The following FMNL3 variants were observed in gnomAD, a reference collection of about 807,000 sequenced individuals.
The protein encoded by FMNL3 is formin-like protein 3.
Under a neutral mutation model 119.6 loss-of-function variants are expected in FMNL3, and 57 were observed. The ratio of observed to expected loss-of-function variants is 0.48; its 90% CI spans 0.39 to 0.59. The LOEUF (loss-of-function observed/expected upper bound fraction) is 0.59, where lower values mean the gene tolerates loss of function less well. FMNL3 is among the 20% of genes least tolerant of loss of function. The pLI is 0.00. For missense variants in FMNL3, 1,053 were observed against 1,323.5 expected, an observed-to-expected ratio of 0.80 and a Z score of 3.17; for synonymous variants, 491 against 507.3, an observed-to-expected ratio of 0.97 and a Z score of 0.43.
rs1254706642 is a variant in FMNL3, at chr12:49,643,958, C to T, written c.*1857G>A. The stretch of plus-strand genomic sequence containing the variant: ...GACAAGGACAGGGAGCTCCAACAGG[C>T]AGAGCTCCCTAACCGTTCCCCAGGC... On this transcript the variant is annotated 3_prime_UTR_variant, in exon 26 of 26. Transcript: ENST00000335154. 3 of 1,614,068 alleles carry T rather than the reference C, an allele frequency of 1.9e-6. No homozygotes were observed. Among genetic ancestry groups the T allele is most frequent in the East Asian group, 4.5e-5 (2 of 44,898 alleles).
chr12:49,660,046 T>C, intron 5 of FMNL3: 1 of 778,428 alleles, frequency 1.3e-6, no homozygotes, highest in Non-Finnish European at 1.6e-6. Context: ...AGGAGGTGTT[T>C]AATGGGGCTC....
At chr12:49,687,397 CTCT>C (rs1234020742) in intron 1 of FMNL3, among the ~76,000 whole-genome samples, 4 of 151,694 alleles carry the variant, frequency 2.6e-5, no homozygotes, top group Non-Finnish European at 5.9e-5. Flanking sequence ...TGGCCCCTCT[CTCT>C]TATTTTTTAA....
At chr12:49,652,515 A>G (rs1943436861) in intron 13 of FMNL3, among the ~76,000 whole-genome samples, 1 of 152,096 alleles carries the variant, frequency 6.6e-6, no homozygotes, top group African/African-American at 2.4e-5. Context: ...ACTCTCCTTA[A>G]TCTACCACCG....
rs368303830 is a variant in FMNL3, at chr12:49,654,225, C to T, written c.1038G>A (p.Glu346=). 14 of 1,614,084 alleles carry T rather than the reference C, an allele frequency of 8.7e-6. No individual in the cohort carries two copies. The African/African-American group carries it at 1.6e-4, about 18-fold the overall frequency. ...ACTCCTCTAGCCCCAGCTTGGTAAA[C>T]TCATACTGCAGGTGGACCCGGAAGT... The part of the protein sequence containing the change: ...DMNFRVHLQY[E]FTKLGLEEFL... The change falls in exon 11 of 26, where the codon GAG becomes GAA. Residue 346 remains glutamate, a synonymous_variant. Transcript: ENST00000335154.
At chr12:49,666,726 G>A (rs190029451) in intron 2 of FMNL3, among the ~76,000 whole-genome samples, 2 of 152,028 alleles carry the variant, frequency 1.3e-5, no homozygotes, top group African/African-American at 4.8e-5. Context: ...GAGCCCCGGA[G>A]TTTGAGGCTA....
At chr12:49,654,101 A>G (rs1943493979) in intron 11 of FMNL3, 91 bp downstream of exon 11, 1 of 1,292,076 alleles carries the variant, frequency 7.7e-7, no homozygotes, top group Admixed American at 2.1e-5. Context: ...AGGAGCATCA[A>G]GGATTAGGCA....
intron 1 of FMNL3, among the ~76,000 whole-genome samples, chr12:49,691,265 C>T (rs773994950): frequency 2.6e-5 from 4 of 152,036 alleles, no homozygotes; most frequent in Non-Finnish European, 4.4e-5. Context: ...ACCATTATCA[C>T]ACAATAAATG....
intron 25 of FMNL3, among the ~76,000 whole-genome samples, chr12:49,646,155 A>T (rs1235157285): frequency 1.3e-5 from 2 of 152,158 alleles, no homozygotes; most frequent in African/African-American, 4.8e-5. Flanking sequence ...AGGTAGATGC[A>T]TTCAGAAAGA....
intron 21 of FMNL3, 139 bp downstream of exon 21, chr12:49,648,890 C>T (rs1291052391): frequency 2.3e-6 from 3 of 1,328,620 alleles, no homozygotes; most frequent in East Asian, 2.6e-5. Context: ...AAGGCTCCAG[C>T]GGAAAGCTTT....
In FMNL3 at chr12:49,649,048, A is replaced by G. The variant is rs752304568; in HGVS notation, c.2496T>C (p.Phe832=). The G allele has an allele frequency of 3.4e-5, 54 of 1,603,464 alleles. No individual in the cohort carries two copies. Among genetic ancestry groups the G allele is most frequent in the Admixed American group, 1.7e-5 (1 of 59,098 alleles). ...CCTCACCTGCTGCAGCCTTCTCAAC[A>G]AAGTGCAGCTCATGCCAGAAGTTAG... ...DLANFWHELH[F]VEKAAAVSLE... Residue 832 remains phenylalanine, a synonymous_variant, in exon 21 of 26, where the codon TTT becomes TTC. Transcript: ENST00000335154. This position sits in a 1 kb window ranked among gnomAD's most constrained non-coding sequence, Gnocchi z 5.6.
intron 1 of FMNL3, among the ~76,000 whole-genome samples, chr12:49,701,567 A>G (rs573846455): frequency 6.6e-6 from 1 of 152,326 alleles, no homozygotes; most frequent in African/African-American, 2.4e-5. Context: ...AATATCTAAG[A>G]AAAGGTGTAT....
intron 7 of FMNL3, 72 bp from the exon 8 acceptor site, chr12:49,656,971 G>T: frequency 1.3e-6 from 2 of 1,527,140 alleles, no homozygotes; most frequent in Non-Finnish European, 1.8e-6. Flanking sequence ...CTCCTTGACC[G>T]TAGGCCCACC....
At position 49,657,154 on chromosome 12, in the gene FMNL3, G is replaced by A. The variant is rs199992397; in HGVS notation, c.642C>T (p.Asn214=). The A allele has an allele frequency of 1.5e-4, 246 of 1,614,148 alleles. 1 individual carries two copies. The African/African-American group carries it at 2.7e-3, about 17-fold the overall frequency. Residue 214 remains asparagine (N), a synonymous_variant, in exon 7 of 26, where the codon AAC becomes AAT. Coordinates refer to ENST00000335154, the MANE Select transcript of FMNL3 (RefSeq NM_175736.5). ...STLPGRRALK[N]SRLVSQKDDV... is the part of the protein sequence containing the mutation. ...CATCCTTCTGGCTCACTAGGCGGGA[G>A]TTCTTCAGGGCCCTGCGCCCAGGGA...
Position 49,637,656 on chromosome 12 carries a change from C to G in FMNL3, c.*8159G>C. ...CCAGCCTCTCTGCACCCCCTACTACCGGCTCCTGTCCTCGGCCCAGCCCCC... is the reference window on the plus strand; with the variant it reads ...CCAGCCTCTCTGCACCCCCTACTACGGGCTCCTGTCCTCGGCCCAGCCCCC... On this transcript the variant is annotated 3_prime_UTR_variant, in exon 26 of 26. Coordinates refer to ENST00000335154, the MANE Select transcript of FMNL3 (RefSeq NM_175736.5). The G allele has an allele frequency of 6.4e-7, 1 of 1,556,910 alleles. No individual in the cohort carries two copies. Among genetic ancestry groups the G allele is most frequent in the Non-Finnish European group, 8.8e-7 (1 of 1,133,212 alleles).
intron 1 of FMNL3, among the ~76,000 whole-genome samples, chr12:49,692,034 CAAAAAAAAAAAAAAAAA>C (rs773991970): frequency 1.7e-4 from 4 of 23,122 alleles, no homozygotes; most frequent in Non-Finnish European, 3.1e-4. Flanking sequence ...GACTCCATCT[CAAAAAAAAAAAAAAAAA>C]AAAAAAAAAA....
rs1400257113 is a variant in FMNL3, at chr12:49,649,188, G to C, written c.2386-30C>G. On this transcript the variant is annotated intron_variant, in intron 20 of 25. Transcript: ENST00000335154. This position sits in a 1 kb window ranked among gnomAD's most constrained non-coding sequence, Gnocchi z 5.6. The stretch of plus-strand genomic sequence containing the variant: ...GAGAGGGGGTGAGGGCGGTGCACAA[G>C]AGCTAAGCACTCTGGCTCCACAACT... The C allele has an allele frequency of 1.9e-6, 3 of 1,612,388 alleles. No homozygotes were observed. Among genetic ancestry groups the C allele is most frequent in the South Asian group, 2.2e-5 (2 of 90,718 alleles).
intron 1 of FMNL3, among the ~76,000 whole-genome samples, chr12:49,702,562 C>CA (rs921076249): frequency 3.9e-5 from 6 of 152,002 alleles, no homozygotes; most frequent in East Asian, 1.9e-4. Context: ...CAAAACAAAA[C>CA]AAAAAAACGC....
At chr12:49,656,991 G>C in intron 7 of FMNL3, 91 bp downstream of exon 7, 1 of 1,541,584 alleles carries the variant, frequency 6.5e-7, no homozygotes, top group African/African-American at 1.4e-5. Flanking sequence ...CAGCAAACCT[G>C]TCTTTTATAA....
intron 1 of FMNL3, among the ~76,000 whole-genome samples, chr12:49,698,349 A>G (rs1944809133): frequency 6.6e-6 from 1 of 152,140 alleles, no homozygotes; most frequent in Admixed American, 6.5e-5. Context: ...ACTAATATAC[A>G]AGAGCCTAAA....
Sources: allele counts gnomAD v4.1 joint callset (sites outside exome capture counted in the v4.1 genomes callset), GRCh38; gene constraint gnomAD v4.1.1; non-coding constraint Gnocchi (gnomAD v3.1); transcripts MANE v1.5; gene names NCBI Gene and HGNC (gene_info 2026-07-23, HGNC 2026-07-21).